Variants in CHD7 observed in about 807,000 individuals in gnomAD.
CHD7 encodes chromodomain helicase DNA binding protein 7.
In CHD7, 24 loss-of-function variants were observed where a neutral mutation model predicts 307.3. The ratio of observed to expected loss-of-function variants is 0.08; its 90% CI spans 0.06 to 0.11. CHD7 has a LOEUF of 0.11. Among genes scored for constraint, CHD7 ranks in the 10% least tolerant of loss-of-function variants. CHD7 has a pLI of 1.00. For missense variants in CHD7, 3,106 were observed against 3,727.1 expected (o/e 0.83, Z 4.34); for synonymous variants, 1,363 against 1,349.9 (o/e 1.01, Z -0.21).
chr8:60,725,562 T>C (rs1808122887), intron 1 of CHD7, among the ~76,000 whole-genome samples: 1 of 152,192 alleles, frequency 6.6e-6, no homozygotes, highest in Non-Finnish European at 1.5e-5. Flanking sequence ...GGAGGTTACT[T>C]CTCACTCATA....
intron 25 of CHD7, 150 bp downstream of exon 25, chr8:60,849,304 A>G: frequency 3.9e-6 from 2 of 516,670 alleles, no homozygotes; most frequent in Non-Finnish European, 7.0e-6. Flanking sequence ...CTAAAAATCT[A>G]ATATGAACTG....
intron 2 of CHD7, among the ~76,000 whole-genome samples, chr8:60,747,688 C>T (rs184565137): frequency 1.6e-3 from 240 of 152,304 alleles, no homozygotes; most frequent in African/African-American, 5.6e-3. Context: ...GTCTCACAGA[C>T]CCTACAGAAA....
At chr8:60,735,002 G>A (rs1471274708) in intron 1 of CHD7, among the ~76,000 whole-genome samples, 1 of 152,226 alleles carries the variant, frequency 6.6e-6, no homozygotes, top group African/African-American at 2.4e-5. Flanking sequence ...TTCAGAGCTA[G>A]TGTAAACAGG....
chr8:60,776,990 G>A (rs997657344), intron 2 of CHD7, among the ~76,000 whole-genome samples: 1 of 152,186 alleles, frequency 6.6e-6, no homozygotes. Context: ...ATAGTTTAGT[G>A]TTCTAAAAGC....
intron 2 of CHD7, among the ~76,000 whole-genome samples, chr8:60,772,948 TAGTC>T (rs1423167430): frequency 6.6e-6 from 1 of 152,230 alleles, no homozygotes; most frequent in African/African-American, 2.4e-5. Context: ...TGCTTATGGT[TAGTC>T]AGAGGCACCA....
intron 8 of CHD7, among the ~76,000 whole-genome samples, chr8:60,818,315 C>T (rs753697090): frequency 3.9e-5 from 6 of 152,180 alleles, no homozygotes; most frequent in Non-Finnish European, 7.3e-5. Flanking sequence ...CTGGAAATTT[C>T]GTCACATGTG....
At chr8:60,820,169 A>G in intron 9 of CHD7, 79 bp downstream of exon 9, 1 of 881,044 alleles carries the variant, frequency 1.1e-6, no homozygotes, top group Non-Finnish European at 1.8e-6. Flanking sequence ...GTAGAATCCT[A>G]GACCTGGTCT....
chr8:60,722,184 A>T (rs1011705141), intron 1 of CHD7, among the ~76,000 whole-genome samples: 5 of 152,180 alleles, frequency 3.3e-5, no homozygotes, highest in African/African-American at 1.2e-4. Flanking sequence ...AAAGCCAGGC[A>T]GTTTAGCTAA....
chr8:60,849,242 ATAT>A lies in CHD7; in HGVS notation c.5404+91_5404+93del, dbSNP rs1458291074. On this transcript the variant is annotated intron_variant, in intron 25 of 37. Coordinates refer to ENST00000423902, the MANE Select transcript of CHD7 (RefSeq NM_017780.4). ...TTACATACTCTTTTCCAAAGTCATA[ATAT>A]TAATGAGGATAGTTCCAAAGGACTC... is the stretch of plus-strand genomic sequence containing the variant. 4 of 806,156 alleles carry A rather than the reference ATAT, an allele frequency of 5.0e-6. No individual in the cohort carries two copies. In the African/African-American group the frequency reaches 6.9e-5, roughly 14 times the overall value. The allele number at this position is 806,156 out of a possible 1,614,324, so 49.9% of individuals were successfully genotyped here.
chr8:60,770,301 T>C (rs1178879501), intron 2 of CHD7, among the ~76,000 whole-genome samples: 1 of 152,214 alleles, frequency 6.6e-6, no homozygotes, highest in Non-Finnish European at 1.5e-5. Context: ...CACAAAACAT[T>C]TATGAGCTGA....
In CHD7 at chr8:60,709,739, T is replaced by C. The variant is rs1807192894; in HGVS notation, c.-175+30657T>C. Among the ~76,000 whole-genome samples the C allele has an allele frequency of 2.6e-5, 4 of 152,230 alleles. No homozygotes were observed. In the South Asian group the frequency reaches 8.3e-4, roughly 32 times the overall value. On this transcript the variant is annotated intron_variant, in intron 1 of 37. Transcript: ENST00000423902. ...ATTGATATTTTAATTTGCTGGACTA[T>C]ATAGTAGCCATTTCACTATAACTAT...
intron 2 of CHD7, among the ~76,000 whole-genome samples, chr8:60,748,969 A>C (rs569687506): frequency 3.3e-5 from 5 of 149,996 alleles, no homozygotes; most frequent in African/African-American, 1.2e-4. Flanking sequence ...TCAGTGGTAC[A>C]ATTTTTTTTT....
intron 3 of CHD7, 74 bp downstream of exon 3, chr8:60,781,504 T>C (rs995045065): frequency 5.5e-6 from 8 of 1,451,632 alleles, no homozygotes; most frequent in Non-Finnish European, 7.2e-6. Flanking sequence ...TTACAGCCTA[T>C]GAAATGAGGG....
In CHD7 at chr8:60,742,470, A is replaced by T. The variant is rs535285405; in HGVS notation, c.1038A>T (p.Arg346Ser). 1.2e-6 allele frequency: 2 copies of T among 1,614,014 alleles called. No homozygotes were observed. The highest frequency in any genetic ancestry group is 1.3e-5 in the African/African-American group (1 of 75,046). ...NNTPMNQSVP[R>S]YPNAVGFPSN... Reference sequence around the variant, plus strand: ...CTCCAATGAATCAGTCCGTACCAAGATACCCCAATGCTGTAGGATTCCCAT... The same window carrying T: ...CTCCAATGAATCAGTCCGTACCAAGTTACCCCAATGCTGTAGGATTCCCAT... Residue 346 changes from arginine (R) to serine (S), a missense_variant, in exon 2 of 38, where the codon AGA becomes AGT. Physicochemically the swap from Arg to Ser is moderately radical, Grantham distance 110 (BLOSUM62 -1). Coordinates refer to ENST00000423902, the MANE Select transcript of CHD7 (RefSeq NM_017780.4).
chr8:60,680,248 G>T (rs1424757117), intron 1 of CHD7, among the ~76,000 whole-genome samples: 1 of 151,466 alleles, frequency 6.6e-6, no homozygotes, highest in Non-Finnish European at 1.5e-5. Flanking sequence ...GGTCAGCGGG[G>T]AGAGGAAAGG....
At chr8:60,842,670 T>TG (rs1805024818) in intron 21 of CHD7, among the ~76,000 whole-genome samples, 1 of 152,282 alleles carries the variant, frequency 6.6e-6, no homozygotes, top group East Asian at 1.9e-4. Context: ...TAGCAGATTG[T>TG]GGGACTACAG....
chr8:60,799,315 C>A (rs968139778), intron 4 of CHD7, among the ~76,000 whole-genome samples: 1 of 152,198 alleles, frequency 6.6e-6, no homozygotes, highest in South Asian at 2.1e-4. Context: ...ATAGATAGGA[C>A]CACATTGTCC....
chr8:60,734,916 C>T (rs866634864), intron 1 of CHD7, among the ~76,000 whole-genome samples: 24 of 152,092 alleles, frequency 1.6e-4, no homozygotes, highest in Middle Eastern at 3.2e-3. Context: ...AGTGTGAAAG[C>T]GTTGAGACCA....
chr8:60,848,977 G>A, intron 24 of CHD7, 74 bp from the exon 25 acceptor site: 1 of 1,174,354 alleles, frequency 8.5e-7, no homozygotes. Context: ...GAGAGGGCAT[G>A]TGAGCTATGT....
Sources: gnomAD v4.1 joint callset for allele counts (sites outside exome capture counted in the v4.1 genomes callset) on GRCh38, gnomAD v4.1.1 for gene constraint, MANE v1.5 for transcripts, NCBI Gene and HGNC (gene_info 2026-07-23, HGNC 2026-07-21) for gene names.